KHDRBS2: variants seen among roughly 807,000 people sequenced by gnomAD.
The protein encoded by KHDRBS2 is KH RNA binding domain containing, signal transduction associated 2, also known as KH domain-containing, RNA-binding, signal transduction-associated protein 2.
In KHDRBS2, 26 loss-of-function variants were observed where a neutral mutation model predicts 44.3. The observed-to-expected ratio is 0.59, with a 90% confidence interval of 0.43 to 0.81. The LOEUF (loss-of-function observed/expected upper bound fraction) is 0.81. KHDRBS2 is among the 40% of genes least tolerant of loss of function. The pLI is 0.00. For synonymous variants in KHDRBS2, 194 were observed against 151.1 expected (o/e 1.28, Z -2.08); for missense variants, 476 against 433.1 (o/e 1.10, Z -0.88).
chr6:61,805,362 A>C (rs1786983584), intron 6 of KHDRBS2, among the ~76,000 whole-genome samples: 1 of 152,160 alleles, frequency 6.6e-6, no homozygotes, highest in Non-Finnish European at 1.5e-5. Flanking sequence ...TTTTTGTCAA[A>C]GCCATTCAAT....
At chr6:61,635,180 AT>A in the KHDRBS2 span, among the ~76,000 whole-genome samples, 1 of 152,066 alleles carries the variant, frequency 6.6e-6, no homozygotes, top group Non-Finnish European at 1.5e-5. Flanking sequence ...TGTAGTCATC[AT>A]TTTAAAAATG....
chr6:61,750,156 T>A (rs1232044950), intron 6 of KHDRBS2, among the ~76,000 whole-genome samples: 3 of 152,096 alleles, frequency 2.0e-5, no homozygotes, highest in Non-Finnish European at 4.4e-5. Context: ...ATGAGGAATA[T>A]CTTAAATATA....
At chr6:61,614,871 GT>G in the KHDRBS2 span, among the ~76,000 whole-genome samples, 3 of 152,106 alleles carry the variant, frequency 2.0e-5, no homozygotes, top group East Asian at 3.9e-4. Flanking sequence ...AGGAACTGCA[GT>G]TTTTTGATCT....
chr6:62,074,456 C>T (rs1795928814), intron 2 of KHDRBS2, among the ~76,000 whole-genome samples: 1 of 151,808 alleles, frequency 6.6e-6, no homozygotes, highest in East Asian at 1.9e-4. Flanking sequence ...TCCAAATAAA[C>T]ATAATTTTTC....
intron 1 of KHDRBS2, among the ~76,000 whole-genome samples, chr6:62,195,232 A>T (rs1178941323): frequency 6.6e-6 from 1 of 152,156 alleles, no homozygotes; most frequent in Non-Finnish European, 1.5e-5. Flanking sequence ...CCTTTTGTTG[A>T]TGTATAGAAA....
intron 4 of KHDRBS2, among the ~76,000 whole-genome samples, chr6:61,907,670 T>A (rs190364311): frequency 1.2e-3 from 181 of 152,342 alleles, no homozygotes; most frequent in African/African-American, 4.2e-3. Flanking sequence ...GACTGTCTTT[T>A]CCCTAATGTA....
intron 3 of KHDRBS2, among the ~76,000 whole-genome samples, chr6:62,043,869 C>T (rs1389792358): frequency 6.6e-6 from 1 of 151,940 alleles, no homozygotes; most frequent in East Asian, 1.9e-4. Flanking sequence ...ATTAGATCCA[C>T]AAAAACAAAA....
At chr6:61,546,971 A>G in the KHDRBS2 span, among the ~76,000 whole-genome samples, 3 of 152,050 alleles carry the variant, frequency 2.0e-5, no homozygotes, top group African/African-American at 7.2e-5. Context: ...TCAGGGTGCA[A>G]GGTTGAGACC....
chr6:62,059,707 A>G (rs567386482), intron 2 of KHDRBS2, among the ~76,000 whole-genome samples: 84 of 151,954 alleles, frequency 5.5e-4, no homozygotes, highest in Non-Finnish European at 9.0e-4. Flanking sequence ...CTTGAGAGAT[A>G]AATCTAAGAT....
intron 3 of KHDRBS2, among the ~76,000 whole-genome samples, chr6:62,008,636 C>T (rs1332553922): frequency 6.6e-6 from 1 of 152,112 alleles, no homozygotes. Flanking sequence ...CTTTTAGCTC[C>T]CATAATTCCC....
chr6:62,192,928 T>C (rs1467378537), intron 1 of KHDRBS2, among the ~76,000 whole-genome samples: 8 of 152,140 alleles, frequency 5.3e-5, no homozygotes, highest in African/African-American at 1.7e-4. Context: ...ATTTCTTACC[T>C]GTACATTTCA....
chr6:61,646,011 G>T, the KHDRBS2 span, among the ~76,000 whole-genome samples: 1 of 151,982 alleles, frequency 6.6e-6, no homozygotes, highest in Admixed American at 6.6e-5. Flanking sequence ...GTATAACTGT[G>T]GCAAGTTATT....
At chr6:62,149,441 C>T (rs1024550759) in intron 2 of KHDRBS2, among the ~76,000 whole-genome samples, 1 of 152,060 alleles carries the variant, frequency 6.6e-6, no homozygotes, top group African/African-American at 2.4e-5. Flanking sequence ...TTACATGCTA[C>T]CAAATCACCC....
At chr6:61,763,235 T>G (rs1779530385) in intron 6 of KHDRBS2, among the ~76,000 whole-genome samples, 1 of 152,164 alleles carries the variant, frequency 6.6e-6, no homozygotes, top group Non-Finnish European at 1.5e-5. Flanking sequence ...GTTTGATCAC[T>G]AGAGTGTTCT....
intron 2 of KHDRBS2, among the ~76,000 whole-genome samples, chr6:62,110,510 T>C (rs1435328955): frequency 6.6e-6 from 1 of 151,998 alleles, no homozygotes; most frequent in Non-Finnish European, 1.5e-5. Flanking sequence ...TATTCTGCAA[T>C]AAAAAGAAGT....
At chr6:61,746,886 A>G (rs573023909) in intron 6 of KHDRBS2, among the ~76,000 whole-genome samples, 2 of 152,170 alleles carry the variant, frequency 1.3e-5, no homozygotes, top group Non-Finnish European at 2.9e-5. Context: ...ACGGGATCCA[A>G]TTAAACTAAA....
the KHDRBS2 span, among the ~76,000 whole-genome samples, chr6:61,638,488 C>T: frequency 9.2e-5 from 14 of 152,118 alleles, no homozygotes; most frequent in Non-Finnish European, 1.5e-4. Flanking sequence ...CTTCCTTACA[C>T]CTTATACAAA....
At chr6:61,548,475 G>A in the KHDRBS2 span, among the ~76,000 whole-genome samples, 5 of 152,220 alleles carry the variant, frequency 3.3e-5, no homozygotes, top group Admixed American at 3.3e-4. Context: ...AAGATCTCAA[G>A]GGATGTAGAA....
At chr6:61,773,762 T>C (rs1039820928) in intron 6 of KHDRBS2, among the ~76,000 whole-genome samples, 7 of 151,612 alleles carry the variant, frequency 4.6e-5, no homozygotes, top group Non-Finnish European at 1.0e-4. Context: ...TCTTCTAGGG[T>C]TTTTATGGTT....
Sources: gnomAD v4.1 joint callset for allele counts (sites outside exome capture counted in the v4.1 genomes callset) on GRCh38, gnomAD v4.1.1 for gene constraint, MANE v1.5 for transcripts, NCBI Gene and HGNC (gene_info 2026-07-23, HGNC 2026-07-21) for gene names.